LAMA3: variants seen among roughly 807,000 people sequenced by gnomAD.
LAMA3 encodes laminin subunit alpha 3.
LAMA3 carries 281 observed loss-of-function variants against 402.0 expected under a neutral mutation model. The observed-to-expected ratio is 0.70, with a 90% CI of 0.63 to 0.77. The LOEUF (loss-of-function observed/expected upper bound fraction) is 0.77. Among genes scored for constraint, LAMA3 ranks in the 30% least tolerant of loss-of-function variants. The probability of loss-of-function intolerance (pLI) is 0.00; values close to 1 mark genes in which losing one functional copy is unlikely to be tolerated. For missense variants in LAMA3, 3,840 were observed against 4,215.5 expected (o/e 0.91, Z 2.47); for synonymous variants, 1,431 against 1,558.4 (o/e 0.92, Z 1.93).
At chr18:23,818,860 A>G (rs568705507) in intron 18 of LAMA3, among the ~76,000 whole-genome samples, 1 of 151,256 alleles carries the variant, frequency 6.6e-6, no homozygotes, top group African/African-American at 2.4e-5. Context: ...ATGGTTATGT[A>G]TTTTTTTTTA....
chr18:23,903,852 C>T, intron 49 of LAMA3, 81 bp from the exon 50 acceptor site: 1 of 1,126,368 alleles, frequency 8.9e-7, no homozygotes, highest in South Asian at 1.2e-5. Flanking sequence ...AGAAACACAT[C>T]AGTTATGATA....
At chr18:23,931,389 G>A in intron 65 of LAMA3, 188 bp downstream of exon 65, 1 of 605,688 alleles carries the variant, frequency 1.7e-6, no homozygotes, top group Non-Finnish European at 2.9e-6. Context: ...ACACATGGTG[G>A]CTCATGTCTG....
chr18:23,876,250 G>A (rs748216319), intron 38 of LAMA3, 44 bp from the exon 39 acceptor site: 1 of 1,302,120 alleles, frequency 7.7e-7, no homozygotes, highest in Admixed American at 1.7e-5. Context: ...GATAGTAATT[G>A]TTTTCTTTCT....
intron 1 of LAMA3, 59 bp from the exon 2 acceptor site, chr18:23,713,861 A>C: frequency 6.6e-7 from 1 of 1,510,324 alleles, no homozygotes; most frequent in Middle Eastern, 1.9e-4. Flanking sequence ...AGAAAAAATT[A>C]CTTGAAAGTA....
chr18:23,846,185 A>G, intron 30 of LAMA3, 112 bp from the exon 31 acceptor site: 1 of 1,089,932 alleles, frequency 9.2e-7, no homozygotes, highest in African/African-American at 1.5e-5. Context: ...CTCCAGAACC[A>G]TGAGCCCGTC....
intron 2 of LAMA3, among the ~76,000 whole-genome samples, chr18:23,726,040 C>T (rs972527607): frequency 2.4e-4 from 36 of 152,212 alleles, no homozygotes; most frequent in African/African-American, 8.7e-4. Context: ...AGTTCTTTCC[C>T]CTCCCTTCAC....
chr18:23,937,761 T>A (rs915323027), intron 67 of LAMA3, among the ~76,000 whole-genome samples: 3 of 152,212 alleles, frequency 2.0e-5, no homozygotes, highest in Non-Finnish European at 2.9e-5. Flanking sequence ...TTGGCTGATA[T>A]AAGTAACTCA....
intron 2 of LAMA3, among the ~76,000 whole-genome samples, chr18:23,745,068 T>C (rs2061628151): frequency 1.3e-5 from 2 of 152,170 alleles, no homozygotes; most frequent in Admixed American, 1.3e-4. Context: ...CATGAAAATG[T>C]TGAATTTATG....
chr18:23,752,020 T>A (rs1326497003), intron 5 of LAMA3, among the ~76,000 whole-genome samples: 7 of 152,182 alleles, frequency 4.6e-5, no homozygotes, highest in Admixed American at 3.9e-4. Context: ...AGAGTTTGGC[T>A]TTTTATATAG....
intron 11 of LAMA3, among the ~76,000 whole-genome samples, chr18:23,781,958 T>C (rs1480869134): frequency 1.3e-5 from 2 of 152,202 alleles, no homozygotes; most frequent in Non-Finnish European, 2.9e-5. Context: ...AAGTTAAAAA[T>C]CATGTAAAGA....
intron 14 of LAMA3, 48 bp from the exon 15 acceptor site, chr18:23,814,355 A>G (rs757918476): frequency 1.8e-5 from 24 of 1,360,152 alleles, no homozygotes; most frequent in Non-Finnish European, 2.5e-5. Context: ...GTTTGAAAAC[A>G]TGTCTTAATT....
In LAMA3 at chr18:23,928,224, G is replaced by T; in HGVS notation, c.8279G>T (p.Cys2760Phe). 6.2e-7 allele frequency: 1 copy of T among 1,608,796 alleles called. No individual in the cohort carries two copies. Among genetic ancestry groups the T allele is most frequent in the Non-Finnish European group, 8.5e-7 (1 of 1,175,142 alleles). The change falls in exon 63 of 75, where the codon TGC becomes TTC. Residue 2760 changes from cysteine to phenylalanine, a missense_variant. Cys to Phe is a radical substitution (Grantham distance 205, BLOSUM62 -2). This residue lies in a region of LAMA3 where 840 missense variants were observed against 981.9 expected (regional missense o/e 0.86). Coordinates refer to ENST00000313654, the MANE Select transcript of LAMA3 (RefSeq NM_198129.4). ...GATACTGTGGGAGTAACCAAAAAGT[G>T]CTCGGAAGACTGGAAGGTAAGTGAA... The part of the protein sequence containing the change: ...LNDTVGVTKK[C>F]SEDWKLVRSA...
At chr18:23,877,044 T>TG (rs2064744643) in intron 39 of LAMA3, among the ~76,000 whole-genome samples, 7 of 151,946 alleles carry the variant, frequency 4.6e-5, no homozygotes, top group Non-Finnish European at 4.4e-5. Context: ...CCCCACACCA[T>TG]AAACAACAAC....
chr18:23,857,637 A>G (rs1456402049), intron 32 of LAMA3, among the ~76,000 whole-genome samples: 2 of 152,228 alleles, frequency 1.3e-5, no homozygotes, highest in African/African-American at 2.4e-5. Flanking sequence ...ACGGTCATCC[A>G]TGACCATCCA....
chr18:23,867,472 C>A (rs1422511793), intron 36 of LAMA3, among the ~76,000 whole-genome samples: 10 of 150,898 alleles, frequency 6.6e-5, no homozygotes, highest in African/African-American at 2.4e-4. Flanking sequence ...TCGCTTGAAC[C>A]CGGATGCCAG....
intron 2 of LAMA3, among the ~76,000 whole-genome samples, chr18:23,736,091 G>A (rs2061469260): frequency 6.6e-6 from 1 of 151,870 alleles, no homozygotes; most frequent in Non-Finnish European, 1.5e-5. Flanking sequence ...ACAGACAAGT[G>A]TAGTAAGGCA....
At chr18:23,887,990 C>T (rs931572142) in intron 41 of LAMA3, among the ~76,000 whole-genome samples, 1 of 152,182 alleles carries the variant, frequency 6.6e-6, no homozygotes, top group Non-Finnish European at 1.5e-5. Context: ...GAAGTAGAAT[C>T]GAACTTCCTG....
intron 37 of LAMA3, among the ~76,000 whole-genome samples, chr18:23,868,438 A>C (rs987614482): frequency 1.3e-5 from 2 of 152,166 alleles, no homozygotes; most frequent in Non-Finnish European, 1.5e-5. Context: ...CAAGATGGCA[A>C]AACTCTGTCT....
chr18:23,797,019 G>A (rs1014476898), intron 12 of LAMA3, among the ~76,000 whole-genome samples: 2 of 152,146 alleles, frequency 1.3e-5, no homozygotes, highest in Non-Finnish European at 2.9e-5. Context: ...AGCCTCTGCT[G>A]GATTCTCTGT....
Sources: gnomAD v4.1 joint callset for allele counts (sites outside exome capture counted in the v4.1 genomes callset) on GRCh38, gnomAD v4.1.1 for gene constraint, gnomAD v4.1.1 regional missense constraint, MANE v1.5 for transcripts, NCBI Gene and HGNC (gene_info 2026-07-23, HGNC 2026-07-21) for gene names.